Variants in SAXO1 observed in about 807,000 individuals in gnomAD.
The protein encoded by SAXO1 is stabilizer of axonemal microtubules 1.
In SAXO1, 21 loss-of-function variants were observed where a neutral mutation model predicts 17.5. That is an observed-to-expected ratio of 1.20 (90% CI 0.85 to 1.72). The LOEUF (loss-of-function observed/expected upper bound fraction) is 1.72. SAXO1 is among the 40% of genes most tolerant of loss of function. The pLI is 0.00. For synonymous variants in SAXO1, 274 were observed against 216.5 expected, an observed-to-expected ratio of 1.27 and a Z score of -2.33; for missense variants, 843 against 596.0, an observed-to-expected ratio of 1.41 and a Z score of -4.32.
At chr9:19,047,557 A>G (rs1836250964) in intron 1 of SAXO1, among the ~76,000 whole-genome samples, 1 of 149,952 alleles carries the variant, frequency 6.7e-6, no homozygotes, top group Non-Finnish European at 1.5e-5. Flanking sequence ...TGGGCTCAAC[A>G]ATGCCAATTA....
At chr9:18,935,177 G>C (rs574622506) in intron 3 of SAXO1, among the ~76,000 whole-genome samples, 1 of 152,156 alleles carries the variant, frequency 6.6e-6, no homozygotes, top group African/African-American at 2.4e-5. Context: ...GCCTCGCAAA[G>C]TGCTAGGATT....
At chr9:19,044,656 A>C (rs2636263) in intron 1 of SAXO1, among the ~76,000 whole-genome samples, 1 of 151,740 alleles carries the variant, frequency 6.6e-6, no homozygotes, top group Non-Finnish European at 1.5e-5. Context: ...AGGTCAGAAG[A>C]TCGAGACCAT....
chr9:19,028,979 G>C (rs1228473888), intron 1 of SAXO1, among the ~76,000 whole-genome samples: 2 of 152,198 alleles, frequency 1.3e-5, no homozygotes, highest in Non-Finnish European at 2.9e-5. Context: ...CAAAGGTTTT[G>C]CTTTTCCATT....
intron 1 of SAXO1, among the ~76,000 whole-genome samples, chr9:19,019,195 G>A (rs953738662): frequency 2.6e-5 from 4 of 152,006 alleles, no homozygotes; most frequent in African/African-American, 9.7e-5. Context: ...CATATCACAT[G>A]TACCCATAGC....
At chr9:18,989,578 A>C (rs886912694) in intron 1 of SAXO1, among the ~76,000 whole-genome samples, 36 of 151,316 alleles carry the variant, frequency 2.4e-4, no homozygotes, top group African/African-American at 4.9e-4. Flanking sequence ...ACACACACAC[A>C]CACCCATCTC....
At position 18,941,767 on chromosome 9, in the gene SAXO1, C is replaced by G. The variant is rs142202664; in HGVS notation, c.291G>C (p.Glu97Asp). 6.2e-7 allele frequency: 1 copy of G among 1,614,190 alleles called. No individual in the cohort carries two copies. Among genetic ancestry groups the G allele is most frequent in the Non-Finnish European group, 8.5e-7 (1 of 1,180,032 alleles). The change falls in exon 3 of 4, where the codon GAG becomes GAC. Residue 97 changes from glutamate to aspartate, a missense_variant. By Grantham distance (45) the Glu-to-Asp change is conservative. Transcript: ENST00000380534. ...TATACGTCGTGAGCAAATCCATATT[C>G]TCTTCACTCGGGACGAACTGGTCAT... ...HQYDQFVPSE[E>D]NMDLLTTYKK...
chr9:18,985,205 G>T (rs549972121), intron 1 of SAXO1, among the ~76,000 whole-genome samples: 13 of 152,130 alleles, frequency 8.5e-5, no homozygotes, highest in African/African-American at 2.9e-4. Context: ...TGTCTTATAC[G>T]GGCGTGGCTC....
intron 1 of SAXO1, among the ~76,000 whole-genome samples, chr9:18,985,757 T>C (rs1347812529): frequency 6.6e-6 from 1 of 152,222 alleles, no homozygotes; most frequent in African/African-American, 2.4e-5. Flanking sequence ...AGGTGCAACA[T>C]GGTTTAACAA....
At chr9:19,039,590 G>C (rs905468923) in intron 1 of SAXO1, among the ~76,000 whole-genome samples, 2 of 152,232 alleles carry the variant, frequency 1.3e-5, no homozygotes, top group African/African-American at 4.8e-5. Flanking sequence ...AGTATGGTTT[G>C]AAGAAATCAA....
chr9:19,014,355 G>A (rs1194618780), intron 1 of SAXO1, among the ~76,000 whole-genome samples: 5 of 150,928 alleles, frequency 3.3e-5, no homozygotes, highest in South Asian at 2.1e-4. Flanking sequence ...CCAGCTACTC[G>A]GCAGGCTGAG....
At chr9:18,982,919 T>G (rs1833453091) in intron 1 of SAXO1, among the ~76,000 whole-genome samples, 1 of 152,122 alleles carries the variant, frequency 6.6e-6, no homozygotes, top group African/African-American at 2.4e-5. Flanking sequence ...AGGTAATTGT[T>G]TTGATAGATG....
At chr9:19,027,165 G>A in intron 1 of SAXO1, 1 of 1,186,618 alleles carries the variant, frequency 8.4e-7, no homozygotes, top group Non-Finnish European at 1.3e-6. Context: ...AGAGGAGGAT[G>A]GTCCAAATAT....
upstream of SAXO1, among the ~76,000 whole-genome samples, chr9:19,035,527 T>C (rs1835913410): frequency 6.6e-6 from 1 of 152,216 alleles, no homozygotes. Context: ...GCTGAAAAGT[T>C]ACCCAAAAAT....
intron 3 of SAXO1, among the ~76,000 whole-genome samples, chr9:18,933,524 G>A (rs999112777): frequency 1.3e-5 from 2 of 151,090 alleles, no homozygotes; most frequent in African/African-American, 2.4e-5. Flanking sequence ...CTGCCATCTG[G>A]TATCATTCCC....
In SAXO1 at chr9:18,945,165, G is replaced by C. The variant is rs751328926; in HGVS notation, c.219-3326C>G. Among the ~76,000 whole-genome samples, 3 of 152,116 alleles carry C rather than the reference G, an allele frequency of 2.0e-5. No homozygotes were observed. The South Asian group carries it at 6.2e-4, about 32-fold the overall frequency. ...CTCCAGTTTTCCCTTCTGTCTTCCA[G>C]AAAGTGTTGTCTACAAGTACAGACT... On this transcript the variant is annotated intron_variant, in intron 2 of 3. Coordinates refer to ENST00000380534, the MANE Select transcript of SAXO1 (RefSeq NM_153707.4).
At chr9:18,937,671 G>C (rs1831359554) in intron 3 of SAXO1, among the ~76,000 whole-genome samples, 2 of 152,088 alleles carry the variant, frequency 1.3e-5, no homozygotes, top group South Asian at 4.1e-4. Flanking sequence ...ACAATGACTG[G>C]AGGGAGCTAG....
In SAXO1 at chr9:18,955,539, A is replaced by C. The variant is rs540810497; in HGVS notation, c.39-4602T>G. Among the ~76,000 whole-genome samples, 5 of 152,356 alleles carry C rather than the reference A, an allele frequency of 3.3e-5. No individual in the cohort carries two copies. The East Asian group carries it at 9.6e-4, about 29-fold the overall frequency. ...TTACTCTAAAAGTGTAGGAAAGATA[A>C]AAACACTAAAAAATACTTTTTGTTG... On this transcript the variant is annotated intron_variant, in intron 1 of 3. Coordinates refer to ENST00000380534, the MANE Select transcript of SAXO1 (RefSeq NM_153707.4).
At position 18,928,047 on chromosome 9, in the gene SAXO1, C is replaced by A. The variant is rs374124797; in HGVS notation, c.*5G>T. 3.0e-5 allele frequency: 46 copies of A among 1,552,182 alleles called. No individual in the cohort carries two copies. In the African/African-American group the frequency reaches 6.3e-4, roughly 21 times the overall value. On this transcript the variant is annotated 3_prime_UTR_variant, in exon 4 of 4. Transcript: ENST00000380534. Reference sequence around the variant, plus strand: ...GTGTAATTTCTAAATTACTATTTTTCAAAATCAGGCTAACACTTCCAACTC... The same window carrying A: ...GTGTAATTTCTAAATTACTATTTTTAAAAATCAGGCTAACACTTCCAACTC...
chr9:18,931,864 GTCT>G (rs1831065505), intron 3 of SAXO1, among the ~76,000 whole-genome samples: 1 of 152,076 alleles, frequency 6.6e-6, no homozygotes, highest in African/African-American at 2.4e-5. Flanking sequence ...AAATTAGATT[GTCT>G]TCTTATTGAG....
Sources: allele counts gnomAD v4.1 joint callset (sites outside exome capture counted in the v4.1 genomes callset), GRCh38; gene constraint gnomAD v4.1.1; transcripts MANE v1.5; gene names NCBI Gene and HGNC (gene_info 2026-07-23, HGNC 2026-07-21).